Variants in RAB22A observed in about 807,000 individuals in gnomAD.
RAB22A encodes the protein RAB22A, member RAS oncogene family.
In RAB22A, 13 loss-of-function variants were observed where a neutral mutation model predicts 30.2. The ratio of observed to expected loss-of-function variants is 0.43; its 90% CI spans 0.28 to 0.68. The LOEUF is 0.68. Among genes scored for constraint, RAB22A ranks in the 30% least tolerant of loss-of-function variants. The pLI, the probability that RAB22A is intolerant of heterozygous loss-of-function variation, is 0.18. For synonymous variants in RAB22A, 89 were observed against 87.2 expected, an observed-to-expected ratio of 1.02 and a Z score of -0.11; for missense variants, 177 against 246.8, an observed-to-expected ratio of 0.72 and a Z score of 1.89.
At chr20:58,350,985 T>C (rs537707163) in intron 3 of RAB22A, among the ~76,000 whole-genome samples, 1 of 152,322 alleles carries the variant, frequency 6.6e-6, no homozygotes, top group South Asian at 2.1e-4. Context: ...GAAATTAGAC[T>C]TTTGCAAGTC....
chr20:58,351,039 T>TTA (rs1987039637), intron 3 of RAB22A, among the ~76,000 whole-genome samples: 1 of 152,186 alleles, frequency 6.6e-6, no homozygotes, highest in African/African-American at 2.4e-5. Flanking sequence ...CTAAGTAGAC[T>TTA]GTAGAAAAAC....
chr20:58,346,994 A>G (rs570517315), intron 3 of RAB22A, among the ~76,000 whole-genome samples: 1 of 152,278 alleles, frequency 6.6e-6, no homozygotes, highest in African/African-American at 2.4e-5. Context: ...GTTTATGTCT[A>G]CTGATTGCCA....
At chr20:58,346,980 A>G (rs1986960826) in intron 3 of RAB22A, among the ~76,000 whole-genome samples, 1 of 152,190 alleles carries the variant, frequency 6.6e-6, no homozygotes, top group Admixed American at 6.5e-5. Context: ...ATTGATGCCC[A>G]TAGGTTTATG....
chr20:58,314,836 A>G (rs888411786), intron 2 of RAB22A, among the ~76,000 whole-genome samples: 1 of 151,832 alleles, frequency 6.6e-6, no homozygotes, highest in Non-Finnish European at 1.5e-5. Context: ...GCAAGACTCC[A>G]TCTCAAAAAA....
chr20:58,358,361 C>G (rs1485889100), intron 6 of RAB22A, among the ~76,000 whole-genome samples: 2 of 152,158 alleles, frequency 1.3e-5, no homozygotes, highest in Non-Finnish European at 2.9e-5. Context: ...TGCATTTGTG[C>G]TAGATAGACA....
At chr20:58,321,063 G>A (rs1157871862) in intron 2 of RAB22A, among the ~76,000 whole-genome samples, 1 of 151,966 alleles carries the variant, frequency 6.6e-6, no homozygotes, top group Non-Finnish European at 1.5e-5. Context: ...GGTGGCACAC[G>A]CCTGTAATCC....
At chr20:58,350,468 A>G (rs995172657) in intron 3 of RAB22A, among the ~76,000 whole-genome samples, 3 of 152,264 alleles carry the variant, frequency 2.0e-5, no homozygotes, top group African/African-American at 7.2e-5. Flanking sequence ...TGTAAGTTCA[A>G]AGAACACCAT....
chr20:58,314,773 G>A (rs944330339), intron 2 of RAB22A, among the ~76,000 whole-genome samples: 9 of 151,996 alleles, frequency 5.9e-5, no homozygotes, highest in African/African-American at 2.2e-4. Context: ...CGCGGGAGGC[G>A]GAGTTTGCAG....
At chr20:58,346,761 G>C (rs1001287752) in intron 3 of RAB22A, among the ~76,000 whole-genome samples, 1 of 152,228 alleles carries the variant, frequency 6.6e-6, no homozygotes, top group Non-Finnish European at 1.5e-5. Flanking sequence ...CATGGTGCCT[G>C]ACCTAGAGCT....
intron 2 of RAB22A, among the ~76,000 whole-genome samples, chr20:58,313,814 C>G (rs961515635): frequency 1.3e-5 from 2 of 152,192 alleles, no homozygotes; most frequent in Non-Finnish European, 2.9e-5. Flanking sequence ...TAAAGAGTTA[C>G]TGAAACAGTC....
intron 2 of RAB22A, among the ~76,000 whole-genome samples, chr20:58,326,905 G>A (rs1986579042): frequency 6.6e-6 from 1 of 152,184 alleles, no homozygotes; most frequent in African/African-American, 2.4e-5. Context: ...ATGTTAGGGG[G>A]AAAACATTCA....
At chr20:58,345,410 C>T (rs1301085471) in intron 3 of RAB22A, 4 of 152,226 alleles carry the variant, frequency 2.6e-5, no homozygotes, top group South Asian at 4.1e-4. Context: ...CTTGCTTGTC[C>T]ACTTCTCATT....
chr20:58,339,711 A>G (rs1986822658), intron 2 of RAB22A, among the ~76,000 whole-genome samples: 1 of 152,170 alleles, frequency 6.6e-6, no homozygotes, highest in South Asian at 2.1e-4. Context: ...GAGATCTTGG[A>G]ATTTGGGGTG....
chr20:58,318,650 G>A (rs11697357), intron 2 of RAB22A, among the ~76,000 whole-genome samples: 6,981 of 151,566 alleles, frequency 0.046, 212 homozygotes, highest in African/African-American at 0.086. Flanking sequence ...TCTCCTCCCC[G>A]CCTCCTGTTT....
intron 2 of RAB22A, among the ~76,000 whole-genome samples, chr20:58,314,934 G>T (rs914319726): frequency 4.6e-5 from 7 of 152,112 alleles, no homozygotes; most frequent in Non-Finnish European, 8.8e-5. Flanking sequence ...ACCAGAATGG[G>T]CATGAGGGAC....
chr20:58,354,723 G>A (rs867310960), intron 6 of RAB22A, among the ~76,000 whole-genome samples: 6 of 152,068 alleles, frequency 3.9e-5, no homozygotes, highest in Non-Finnish European at 5.9e-5. Flanking sequence ...GATGATACTC[G>A]ATGGGAGAGG....
At chr20:58,327,172 T>C (rs1291601787) in intron 2 of RAB22A, among the ~76,000 whole-genome samples, 1 of 151,326 alleles carries the variant, frequency 6.6e-6, no homozygotes, top group East Asian at 1.9e-4. Flanking sequence ...TGTCTTGATA[T>C]TTTTTGCATC....
In RAB22A at chr20:58,334,335, C is replaced by CA. The variant is rs11477658; in HGVS notation, c.117-9369dup. Reference sequence around the variant, plus strand: ...GGGCGACAAGAGCGAAAGTCCATCTCAAAAAAAAAAAAAATTCTTTTTTTT... The same window carrying CA: ...GGGCGACAAGAGCGAAAGTCCATCTCAAAAAAAAAAAAAAATTCTTTTTTTT... On this transcript the variant is annotated intron_variant, in intron 2 of 6. Transcript: ENST00000244040. Among the ~76,000 whole-genome samples, 667 of 132,982 alleles carry CA rather than the reference C, an allele frequency of 5.0e-3. 2 individuals carry two copies. Among genetic ancestry groups the CA allele is most frequent in the African/African-American group, 0.014 (521 of 36,836 alleles). 87.2% of individuals were successfully genotyped at this position (132,982 alleles called of 152,430 possible).
chr20:58,328,917 T>C (rs1986614555), intron 2 of RAB22A, among the ~76,000 whole-genome samples: 1 of 152,188 alleles, frequency 6.6e-6, no homozygotes, highest in South Asian at 2.1e-4. Flanking sequence ...CTTCATTCCT[T>C]CCTGTAGAAT....
Sources: gnomAD v4.1 joint callset for allele counts (sites outside exome capture counted in the v4.1 genomes callset) on GRCh38, gnomAD v4.1.1 for gene constraint, MANE v1.5 for transcripts, NCBI Gene and HGNC (gene_info 2026-07-23, HGNC 2026-07-21) for gene names.